Variants in SLC20A2 observed in about 807,000 individuals in gnomAD.
SLC20A2 encodes solute carrier family 20 member 2, also known as sodium-dependent phosphate transporter 2.
SLC20A2 carries 30 observed loss-of-function variants against 61.0 expected under a neutral mutation model. The ratio of observed to expected loss-of-function variants is 0.49; its 90% CI spans 0.37 to 0.67. SLC20A2 has a LOEUF of 0.67. Among genes scored for constraint, SLC20A2 ranks in the 30% least tolerant of loss-of-function variants. The probability of loss-of-function intolerance (pLI) is 0.00; values close to 1 mark genes in which losing one functional copy is unlikely to be tolerated. For synonymous variants in SLC20A2, 351 were observed against 353.3 expected (o/e 0.99, Z 0.07); for missense variants, 626 against 866.4 (o/e 0.72, Z 3.48).
chr8:42,464,123 T>TTTTTTTTTTTTTTTTTTC (rs869138901), intron 3 of SLC20A2, among the ~76,000 whole-genome samples: 1 of 116,936 alleles, frequency 8.6e-6, no homozygotes, highest in Non-Finnish European at 1.7e-5. Flanking sequence ...TTTTTTTTTT[T>TTTTTTTTTTTTTTTTTTC]GAGACAGGGT....
chr8:42,475,621 G>A (rs1426336238), intron 1 of SLC20A2, among the ~76,000 whole-genome samples: 1 of 151,944 alleles, frequency 6.6e-6, no homozygotes, highest in Non-Finnish European at 1.5e-5. Flanking sequence ...ACGTTGGCCA[G>A]GCTGGTCTTG....
chr8:42,474,245 A>T (rs1807882406), intron 1 of SLC20A2, among the ~76,000 whole-genome samples: 1 of 152,172 alleles, frequency 6.6e-6, no homozygotes, highest in Non-Finnish European at 1.5e-5. Context: ...GAGGTTGAAT[A>T]GGAAGGTTAG....
chr8:42,506,513 G>A (rs1810721145), intron 1 of SLC20A2, among the ~76,000 whole-genome samples: 1 of 152,222 alleles, frequency 6.6e-6, no homozygotes, highest in Non-Finnish European at 1.5e-5. Context: ...ACTTGCTGAA[G>A]GGCAATTTGG....
intron 10 of SLC20A2, among the ~76,000 whole-genome samples, chr8:42,421,110 G>A (rs950316533): frequency 6.6e-6 from 1 of 152,134 alleles, no homozygotes; most frequent in Admixed American, 6.6e-5. Context: ...AGCACATTAC[G>A]TCTCATATTC....
intron 1 of SLC20A2, among the ~76,000 whole-genome samples, chr8:42,525,985 T>C (rs1811908602): frequency 6.6e-6 from 1 of 152,198 alleles, no homozygotes; most frequent in Non-Finnish European, 1.5e-5. Context: ...ACAGCTCCTG[T>C]ACAGAACTCC....
chr8:42,486,434 C>T (rs765989270), intron 1 of SLC20A2, among the ~76,000 whole-genome samples: 9 of 152,126 alleles, frequency 5.9e-5, no homozygotes, highest in African/African-American at 9.7e-5. Flanking sequence ...TGGGCTCAAG[C>T]GATCCTCCGG....
At chr8:42,518,381 C>G (rs1023175469) in intron 1 of SLC20A2, among the ~76,000 whole-genome samples, 3 of 152,164 alleles carry the variant, frequency 2.0e-5, no homozygotes, top group Admixed American at 2.0e-4. Flanking sequence ...ATTTTATTCA[C>G]ATTTTTGAAA....
intron 1 of SLC20A2, among the ~76,000 whole-genome samples, chr8:42,490,674 A>G (rs1309570253): frequency 1.3e-5 from 2 of 152,318 alleles, no homozygotes; most frequent in East Asian, 3.9e-4. Flanking sequence ...TGAAGACACT[A>G]TGACTTAAAG....
At chr8:42,427,120 C>T (rs576891609) in intron 10 of SLC20A2, among the ~76,000 whole-genome samples, 5 of 152,346 alleles carry the variant, frequency 3.3e-5, no homozygotes, top group South Asian at 2.1e-4. Context: ...GCTTGCCAGG[C>T]GGAGCCGGGG....
chr8:42,530,051 T>C (rs1240917707), intron 1 of SLC20A2, among the ~76,000 whole-genome samples: 1 of 152,142 alleles, frequency 6.6e-6, no homozygotes, highest in Non-Finnish European at 1.5e-5. Flanking sequence ...AATCACAATC[T>C]GATGGACAAG....
chr8:42,522,841 AC>A (rs1811665218), intron 1 of SLC20A2, among the ~76,000 whole-genome samples: 1 of 109,196 alleles, frequency 9.2e-6, no homozygotes, highest in Non-Finnish European at 2.1e-5. Flanking sequence ...AGTAGCTAAG[AC>A]TATAGGTATG....
At chr8:42,488,180 C>CTTTTTTTTT (rs35200743) in intron 1 of SLC20A2, among the ~76,000 whole-genome samples, 1 of 87,030 alleles carries the variant, frequency 1.1e-5, no homozygotes, top group African/African-American at 4.8e-5. Context: ...AATAATACTG[C>CTTTTTTTTT]TTTTTTTTTT....
rs762678535 is a variant in SLC20A2 at position 42,472,415 on chromosome 8, T to C, written c.-25A>G. Reference sequence around the variant, plus strand: ...TTTTGGAAAGTGGGTGCCGGGTACTTTTCTTTTGCAGGAATATTTTAAATA... The same window carrying C: ...TTTTGGAAAGTGGGTGCCGGGTACTCTTCTTTTGCAGGAATATTTTAAATA... On this transcript the variant is annotated 5_prime_UTR_variant, in exon 2 of 11. Transcript: ENST00000520262. The surrounding 1 kb of genome is among the most constrained non-coding windows in gnomAD (Gnocchi z 4.1). 6.3e-7 allele frequency: 1 copy of C among 1,597,260 alleles called. No individual in the cohort carries two copies. Among genetic ancestry groups the C allele is most frequent in the Admixed American group, 1.7e-5 (1 of 57,704 alleles).
At chr8:42,434,418 G>A (rs111310485) in intron 8 of SLC20A2, among the ~76,000 whole-genome samples, 2 of 151,188 alleles carry the variant, frequency 1.3e-5, no homozygotes, top group South Asian at 4.2e-4. Flanking sequence ...TTTTGAGACA[G>A]TCTCACTCTG....
intron 8 of SLC20A2, among the ~76,000 whole-genome samples, chr8:42,435,532 C>G (rs1196498323): frequency 6.6e-6 from 1 of 152,132 alleles, no homozygotes; most frequent in Non-Finnish European, 1.5e-5. Flanking sequence ...CTAGGGGTTA[C>G]ACAGCTGTAA....
intron 7 of SLC20A2, among the ~76,000 whole-genome samples, chr8:42,438,084 A>AAAAAAAAAAAATGG (rs1804482202): frequency 6.7e-6 from 1 of 150,346 alleles, no homozygotes; most frequent in East Asian, 1.9e-4. Context: ...AAAAAAAAAA[A>AAAAAAAAAAAATGG]AAAAACATGG....
At chr8:42,435,116 A>G (rs1043785771) in intron 8 of SLC20A2, among the ~76,000 whole-genome samples, 7 of 152,188 alleles carry the variant, frequency 4.6e-5, no homozygotes, top group African/African-American at 1.7e-4. Flanking sequence ...GTGTGGGGGC[A>G]GACAAAAAGT....
chr8:42,497,945 T>C (rs1238529950), intron 1 of SLC20A2, among the ~76,000 whole-genome samples: 1 of 152,152 alleles, frequency 6.6e-6, no homozygotes, highest in Non-Finnish European at 1.5e-5. Context: ...GCAATAATGC[T>C]CAGTAGACCT....
chr8:42,455,241 A>AAAAAATATATAT (rs1416804518), intron 5 of SLC20A2, among the ~76,000 whole-genome samples: 1 of 102,606 alleles, frequency 9.7e-6, no homozygotes. Flanking sequence ...AAAAAAAAAA[A>AAAAAATATATAT]ATATATATAT....
Sources: gnomAD v4.1 joint callset for allele counts (sites outside exome capture counted in the v4.1 genomes callset) on GRCh38, gnomAD v4.1.1 for gene constraint, Gnocchi (gnomAD v3.1) non-coding constraint, MANE v1.5 for transcripts, NCBI Gene and HGNC (gene_info 2026-07-23, HGNC 2026-07-21) for gene names.